DOP1A: variants seen among roughly 807,000 people sequenced by gnomAD.
DOP1A encodes DOP1 leucine zipper like protein A.
DOP1A carries 90 observed loss-of-function variants against 267.6 expected under a neutral mutation model. The observed-to-expected ratio is 0.34, with a 90% confidence interval of 0.28 to 0.40. DOP1A has a LOEUF of 0.40. Ranked by LOEUF, DOP1A falls within the 10% of genes least tolerant of loss-of-function variation. DOP1A has a pLI of 1.00. For missense variants in DOP1A, 2,437 were observed against 2,900.4 expected, an observed-to-expected ratio of 0.84 and a Z score of 3.67; for synonymous variants, 932 against 999.1, an observed-to-expected ratio of 0.93 and a Z score of 1.27.
intron 23 of DOP1A, 84 bp downstream of exon 23, chr6:83,140,487 G>T: frequency 1.7e-6 from 2 of 1,149,440 alleles, no homozygotes; most frequent in Non-Finnish European, 1.2e-6. Flanking sequence ...TGAATAATTT[G>T]TGTAGTATTT....
intron 13 of DOP1A, 119 bp from the exon 14 acceptor site, chr6:83,125,047 T>TTA: frequency 1.0e-6 from 1 of 959,080 alleles, no homozygotes; most frequent in Non-Finnish European, 1.6e-6. Flanking sequence ...TCTTAACTGT[T>TTA]TAGTGTATAG....
chr6:83,162,639 A>G (rs1048310463), intron 37 of DOP1A, 151 bp from the exon 38 acceptor site: 1 of 751,062 alleles, frequency 1.3e-6, no homozygotes, highest in Non-Finnish European at 2.0e-6. Flanking sequence ...GTTAAGAAAC[A>G]TACCCAAAGT....
In DOP1A at chr6:83,140,203, T is replaced by G; in HGVS notation, c.5233-18T>G. On this transcript the variant is annotated intron_variant, in intron 22 of 38. Transcript: ENST00000349129. ...ATCTCAGTAAGTAATATGTTTCTTT[T>G]CCCCCAACTGTTAATAGCTTTTGGT... The G allele has an allele frequency of 6.2e-7, 1 of 1,606,346 alleles. No individual in the cohort carries two copies. The highest frequency in any genetic ancestry group is 8.5e-7 in the Non-Finnish European group (1 of 1,176,700).
rs1436012496 is a variant in DOP1A at position 83,138,765 on chromosome 6, G to A, written c.4723G>A (p.Gly1575Ser). ...TTTCTCAGAGGATGAATTTGACAAT[G>A]GCAGCACGTTGCAGTCACAACTTCT... is the stretch of plus-strand genomic sequence containing the variant. ...INFSEDEFDN[G>S]STLQSQLLKV... The change falls in exon 21 of 39, where the codon GGC becomes AGC. Residue 1575 changes from glycine to serine, a missense_variant. This residue lies in a region of DOP1A where 878 missense variants were observed against 992.9 expected (regional missense o/e 0.88). Coordinates refer to ENST00000349129, the MANE Select transcript of DOP1A (RefSeq NM_015018.4). The A allele has an allele frequency of 6.2e-7, 1 of 1,614,048 alleles. No homozygotes were observed. The highest frequency in any genetic ancestry group is 8.5e-7 in the Non-Finnish European group (1 of 1,179,938).
At chr6:83,168,627 G>T, downstream of DOP1A, 1 of 996,318 alleles carries the variant, frequency 1.0e-6, no homozygotes. Context: ...ACCAAGAGCA[G>T]TGAAGAATAA....
downstream of DOP1A, chr6:83,169,864 G>A: frequency 2.3e-6 from 1 of 440,994 alleles, no homozygotes. Flanking sequence ...CAGGCACAGA[G>A]TAAGGCTGTC....
chr6:83,170,326 T>C (rs1328036910), downstream of DOP1A: 2 of 1,614,176 alleles, frequency 1.2e-6, no homozygotes, highest in South Asian at 1.1e-5. Context: ...CTTCTGCATA[T>C]ACTCGGACGA....
chr6:83,070,512 T>C (rs1245896463), intron 1 of DOP1A, among the ~76,000 whole-genome samples: 3 of 152,204 alleles, frequency 2.0e-5, no homozygotes, highest in South Asian at 2.1e-4. Flanking sequence ...TTAGTAGATA[T>C]ATATGCACCC....
chr6:83,092,664 A>C (rs1251988867), intron 1 of DOP1A, among the ~76,000 whole-genome samples: 2 of 147,498 alleles, frequency 1.4e-5, no homozygotes, highest in African/African-American at 5.0e-5. Context: ...TTTTCTATAC[A>C]TATATACCAG....
intron 18 of DOP1A, 109 bp downstream of exon 18, chr6:83,132,437 G>A: frequency 2.4e-6 from 3 of 1,228,952 alleles, no homozygotes; most frequent in Non-Finnish European, 3.3e-6. Flanking sequence ...TAACATCGGA[G>A]TAAGAGAAAA....
intron 24 of DOP1A, among the ~76,000 whole-genome samples, chr6:83,144,208 G>A (rs1249615448): frequency 6.6e-6 from 1 of 152,164 alleles, no homozygotes; most frequent in Non-Finnish European, 1.5e-5. Flanking sequence ...GAAGACAGGG[G>A]ATCCAAGAAA....
intron 6 of DOP1A, 53 bp downstream of exon 6, chr6:83,110,367 C>A: frequency 6.4e-7 from 1 of 1,552,572 alleles, no homozygotes; most frequent in Non-Finnish European, 8.8e-7. Context: ...TAGAGTCAGG[C>A]ACTATTCCAG....
At chr6:83,166,151 A>G (rs765342386) in intron 38 of DOP1A, 4 of 468,440 alleles carry the variant, frequency 8.5e-6, no homozygotes, top group Non-Finnish European at 1.1e-5. Context: ...GAATTTTTTT[A>G]TTTTTCACTC....
At chr6:83,135,581 G>A (rs1443960102) in intron 19 of DOP1A, 38 bp from the exon 20 acceptor site, 37 of 1,581,154 alleles carry the variant, frequency 2.3e-5, no homozygotes, top group Non-Finnish European at 3.1e-5. Context: ...CAAGGTAGAT[G>A]TTTGGTTCTT....
chr6:83,145,860 G>A (rs922460629), intron 25 of DOP1A, among the ~76,000 whole-genome samples: 4 of 152,130 alleles, frequency 2.6e-5, no homozygotes, highest in African/African-American at 9.7e-5. Context: ...AGCCAGTGAA[G>A]AGCAGTTAAC....
At chr6:83,120,622 T>G in intron 9 of DOP1A, 61 bp from the exon 10 acceptor site, 2 of 1,356,914 alleles carry the variant, frequency 1.5e-6, no homozygotes, top group Non-Finnish European at 2.0e-6. Context: ...ATACTTTTTC[T>G]TAAGGAAAAA....
chr6:83,117,591 C>T (rs950596552), intron 7 of DOP1A, among the ~76,000 whole-genome samples: 3 of 152,172 alleles, frequency 2.0e-5, no homozygotes, highest in Non-Finnish European at 2.9e-5. Flanking sequence ...ATAGTAGGTG[C>T]AGCTGCTATG....
At chr6:83,095,078 A>G (rs1027293750) in intron 1 of DOP1A, among the ~76,000 whole-genome samples, 1 of 152,124 alleles carries the variant, frequency 6.6e-6, no homozygotes, top group Non-Finnish European at 1.5e-5. Context: ...GATTACAGGC[A>G]TGAGCCACCA....
intron 1 of DOP1A, among the ~76,000 whole-genome samples, chr6:83,078,988 G>T (rs547175919): frequency 6.6e-6 from 1 of 152,210 alleles, no homozygotes; most frequent in East Asian, 1.9e-4. Flanking sequence ...AGGAGCTGGG[G>T]GAAGGTCTGC....
Sources: gnomAD v4.1 joint callset for allele counts (sites outside exome capture counted in the v4.1 genomes callset) on GRCh38, gnomAD v4.1.1 for gene constraint, gnomAD v4.1.1 regional missense constraint, MANE v1.5 for transcripts, NCBI Gene and HGNC (gene_info 2026-07-23, HGNC 2026-07-21) for gene names.